The following ARID5B variants were observed in gnomAD, a reference collection of about 807,000 sequenced individuals.
The protein encoded by ARID5B is AT-rich interaction domain 5B.
ARID5B carries 13 observed loss-of-function variants against 97.2 expected under a neutral mutation model. The ratio of observed to expected loss-of-function variants is 0.13; its 90% CI spans 0.09 to 0.21. ARID5B has a LOEUF of 0.21. Among genes scored for constraint, ARID5B ranks in the 10% least tolerant of loss-of-function variants. The pLI, the probability that ARID5B is intolerant of heterozygous loss-of-function variation, is 1.00. For synonymous variants in ARID5B, 556 were observed against 570.3 expected (o/e 0.97, Z 0.36); for missense variants, 1,210 against 1,465.3 (o/e 0.83, Z 2.84).
chr10:61,958,949 T>A (rs535394509), intron 3 of ARID5B, among the ~76,000 whole-genome samples: 5 of 152,372 alleles, frequency 3.3e-5, no homozygotes, highest in African/African-American at 9.6e-5. Context: ...TTCAGTTTCA[T>A]TTGCTTCATA....
chr10:61,938,852 T>C (rs145196533), intron 2 of ARID5B, among the ~76,000 whole-genome samples: 4 of 150,612 alleles, frequency 2.7e-5, no homozygotes, highest in East Asian at 2.0e-4. Context: ...ATGAGGAAAA[T>C]TGAAATTTTA....
chr10:61,902,213 C>G lies in ARID5B; in HGVS notation c.76C>G (p.Gln26Glu). The G allele has an allele frequency of 1.9e-6, 3 of 1,613,804 alleles. No individual in the cohort carries two copies. The highest frequency in any genetic ancestry group is 2.5e-6 in the Non-Finnish European group (3 of 1,180,026). Residue 26 changes from glutamine to glutamate, a missense_variant, in exon 2 of 10, where the codon CAA (glutamine) becomes GAA (glutamate). By Grantham distance (29) the Gln-to-Glu change is conservative. Transcript: ENST00000279873. ...ACCTTACATTTTCTACAAGGCTTTT[C>G]AATTCCACCTTGAAGGCAAACCAAG... ...HGPYIFYKAFQFHLEGKPRIL... is the reference protein window; with the variant it reads ...HGPYIFYKAFEFHLEGKPRIL...
chr10:61,959,179 T>C (rs1838435266), intron 3 of ARID5B, among the ~76,000 whole-genome samples: 1 of 152,230 alleles, frequency 6.6e-6, no homozygotes, highest in Non-Finnish European at 1.5e-5. Flanking sequence ...ATGTCAACTT[T>C]TTGCCTAGTT....
chr10:61,947,840 G>C (rs1467153497), intron 3 of ARID5B, among the ~76,000 whole-genome samples: 2 of 152,182 alleles, frequency 1.3e-5, no homozygotes, highest in African/African-American at 4.8e-5. Flanking sequence ...GCTGGTCGTT[G>C]ATAATGCTGC....
At position 62,091,073 on chromosome 10, in the gene ARID5B, G is replaced by A. The variant is rs148762493; in HGVS notation, c.1610G>A (p.Gly537Glu). The A allele has an allele frequency of 6.2e-7, 1 of 1,613,822 alleles. No homozygotes were observed. Residue 537 changes from glycine to glutamate, a missense_variant, in exon 10 of 10, where the codon GGG (glycine) becomes GAG (glutamate). By Grantham distance (98) the Gly-to-Glu change is moderately conservative. Around this residue, in one of 8 missense-constraint regions of ARID5B, gnomAD observed 800 missense variants for 839.1 expected, o/e 0.95. Transcript: ENST00000279873. ...GTGGCAGAGGAGGCGGGAGAGAAGG[G>A]GCCCACACCTCCACTCCCAAGTGCT... ...EKVAEEAGEK[G>E]PTPPLPSAPL...
chr10:61,960,116 T>C (rs181739398), intron 3 of ARID5B, among the ~76,000 whole-genome samples: 44 of 152,272 alleles, frequency 2.9e-4, no homozygotes, highest in African/African-American at 1.0e-3. Flanking sequence ...TCTTTTTTCA[T>C]GAATGTGTAG....
At chr10:62,041,081 C>T (rs1589270493) in intron 4 of ARID5B, among the ~76,000 whole-genome samples, 1 of 152,190 alleles carries the variant, frequency 6.6e-6, no homozygotes, top group Non-Finnish European at 1.5e-5. Context: ...CCTTAGTTAA[C>T]ATGTCACCAG....
intron 4 of ARID5B, among the ~76,000 whole-genome samples, chr10:62,006,438 G>A (rs7904030): frequency 0.019 from 2,910 of 152,086 alleles, 38 homozygotes; most frequent in South Asian, 0.058. Flanking sequence ...CAAAAACTCC[G>A]TTTCAAACAA....
At chr10:61,942,342 T>C (rs1844424606) in intron 3 of ARID5B, among the ~76,000 whole-genome samples, 2 of 152,162 alleles carry the variant, frequency 1.3e-5, no homozygotes, top group Non-Finnish European at 2.9e-5. Context: ...TACTTGCAGG[T>C]GGTTTGGCCT....
At chr10:61,963,653 C>A (rs996425971) in intron 3 of ARID5B, among the ~76,000 whole-genome samples, 17 of 151,874 alleles carry the variant, frequency 1.1e-4, no homozygotes, top group Non-Finnish European at 2.4e-4. Flanking sequence ...ATTGGCCCCA[C>A]AGAAAGCTCC....
At chr10:62,066,475 C>T (rs1839990681) in intron 7 of ARID5B, among the ~76,000 whole-genome samples, 1 of 152,160 alleles carries the variant, frequency 6.6e-6, no homozygotes, top group Admixed American at 6.5e-5. Context: ...ATAGAGGAAC[C>T]ACTTCCTCGA....
intron 2 of ARID5B, among the ~76,000 whole-genome samples, chr10:61,915,480 G>A (rs1284272908): frequency 6.6e-6 from 1 of 152,140 alleles, no homozygotes; most frequent in East Asian, 1.9e-4. Context: ...GTGAAGATTG[G>A]GAAGTTTCTA....
chr10:61,944,515 GA>G (rs573172858), intron 3 of ARID5B, among the ~76,000 whole-genome samples: 79 of 150,536 alleles, frequency 5.2e-4, no homozygotes, highest in Non-Finnish European at 8.1e-4. Flanking sequence ...GCTATAGTTT[GA>G]AAAAAAAATC....
At chr10:62,077,945 T>A (rs1485201104) in intron 8 of ARID5B, among the ~76,000 whole-genome samples, 1 of 152,230 alleles carries the variant, frequency 6.6e-6, no homozygotes, top group East Asian at 1.9e-4. Context: ...GACAGAAGAA[T>A]GTAATTGTTT....
chr10:62,013,815 T>TATATATATAC (rs915920250), intron 4 of ARID5B, among the ~76,000 whole-genome samples: 42 of 147,446 alleles, frequency 2.8e-4, no homozygotes, highest in Admixed American at 2.2e-3. Context: ...TATATATATA[T>TATATATATAC]ACCACATTTT....
chr10:62,069,144 C>A (rs1194173975), intron 7 of ARID5B, among the ~76,000 whole-genome samples: 2 of 152,174 alleles, frequency 1.3e-5, no homozygotes, highest in Non-Finnish European at 2.9e-5. Flanking sequence ...ATTCCACAAC[C>A]AATTTGATCA....
chr10:61,952,526 A>G, intron 3 of ARID5B, among the ~76,000 whole-genome samples: 1 of 152,266 alleles, frequency 6.6e-6, no homozygotes, highest in East Asian at 1.9e-4. Context: ...TAGTAGGTTA[A>G]GTAAACATGC....
At chr10:61,938,063 A>ATGTG (rs201726059) in intron 2 of ARID5B, among the ~76,000 whole-genome samples, 1 of 151,938 alleles carries the variant, frequency 6.6e-6, no homozygotes, top group Non-Finnish European at 1.5e-5. Flanking sequence ...ATTTGTTTTT[A>ATGTG]TGTGTGTGTG....
intron 3 of ARID5B, among the ~76,000 whole-genome samples, chr10:61,991,041 T>TATACACACACACAC (rs1554842858): frequency 0.01 from 1,509 of 145,134 alleles, 6 homozygotes; most frequent in East Asian, 0.03. Context: ...ATTTATCCTG[T>TATACACACACACAC]ACACACACAC....
Sources: allele counts gnomAD v4.1 joint callset (sites outside exome capture counted in the v4.1 genomes callset), GRCh38; gene constraint gnomAD v4.1.1; regional missense constraint gnomAD v4.1.1; transcripts MANE v1.5; gene names NCBI Gene and HGNC (gene_info 2026-07-23, HGNC 2026-07-21).